Variants in OSBPL10 observed in about 807,000 individuals in gnomAD.
OSBPL10 encodes the protein oxysterol binding protein like 10, also known as oxysterol-binding protein-related protein 10.
In OSBPL10, 49 loss-of-function variants were observed where a neutral mutation model predicts 81.7. That is an observed-to-expected ratio of 0.60 (90% CI 0.48 to 0.76). OSBPL10 has a LOEUF of 0.76. Ranked by LOEUF, OSBPL10 falls within the 30% of genes least tolerant of loss-of-function variation. The probability of loss-of-function intolerance (pLI) is 0.00; values close to 1 mark genes in which losing one functional copy is unlikely to be tolerated. For synonymous variants in OSBPL10, 419 were observed against 383.6 expected (o/e 1.09, Z -1.08); for missense variants, 923 against 987.8 (o/e 0.93, Z 0.88).
chr3:31,966,268 A>G (rs1698399695), intron 1 of OSBPL10, among the ~76,000 whole-genome samples: 1 of 151,148 alleles, frequency 6.6e-6, no homozygotes, highest in Non-Finnish European at 1.5e-5. Flanking sequence ...AAGCTGAACT[A>G]AAATAGAAAT....
chr3:31,832,559 G>C (rs574818429), intron 3 of OSBPL10, among the ~76,000 whole-genome samples: 1 of 152,184 alleles, frequency 6.6e-6, no homozygotes, highest in Non-Finnish European at 1.5e-5. Flanking sequence ...CAAAATGTAT[G>C]AGACAGTTTT....
chr3:31,797,690 GT>G (rs1199794676), intron 4 of OSBPL10: 2 of 405,840 alleles, frequency 4.9e-6, no homozygotes, highest in South Asian at 1.7e-5. Context: ...TACACACACA[GT>G]TTTTTTATAT....
chr3:32,035,861 T>G (rs1224839781), intron 2 of OSBPL10, among the ~76,000 whole-genome samples: 1 of 152,186 alleles, frequency 6.6e-6, no homozygotes, highest in Non-Finnish European at 1.5e-5. Flanking sequence ...TAAGTCACAT[T>G]CACATGGTGC....
intron 8 of OSBPL10, among the ~76,000 whole-genome samples, chr3:31,682,312 T>C (rs1231689590): frequency 1.3e-5 from 2 of 152,170 alleles, no homozygotes; most frequent in East Asian, 3.9e-4. Context: ...ACCAGTGGCT[T>C]CAGGGCTCCC....
intron 4 of OSBPL10, among the ~76,000 whole-genome samples, chr3:31,803,931 C>A (rs140546443): frequency 6.6e-6 from 1 of 152,058 alleles, no homozygotes; most frequent in Non-Finnish European, 1.5e-5. Context: ...CACTTGGTTG[C>A]GGTGGTGTCC....
chr3:31,726,420 G>A (rs558243167), intron 6 of OSBPL10, among the ~76,000 whole-genome samples: 1 of 152,038 alleles, frequency 6.6e-6, no homozygotes, highest in African/African-American at 2.4e-5. Context: ...AGGTTCAAGC[G>A]ATTCCCCCTC....
At chr3:31,794,649 G>T (rs894844155) in intron 4 of OSBPL10, 5 of 319,504 alleles carry the variant, frequency 1.6e-5, no homozygotes, top group Admixed American at 7.1e-5. Flanking sequence ...GGTGTGGAGT[G>T]AAAGATGAAG....
chr3:31,759,945 A>G (rs1444800218), intron 4 of OSBPL10, among the ~76,000 whole-genome samples: 2 of 152,128 alleles, frequency 1.3e-5, no homozygotes, highest in Non-Finnish European at 2.9e-5. Context: ...TATTTTTAGT[A>G]GAGACAGGGT....
At chr3:31,692,325 G>A (rs191388681) in intron 7 of OSBPL10, among the ~76,000 whole-genome samples, 131 of 152,220 alleles carry the variant, frequency 8.6e-4, no homozygotes, top group African/African-American at 3.1e-3. Flanking sequence ...TTAAATGGCA[G>A]TGTTAAATTA....
At chr3:32,065,944 GAAGAAAGAAAGAAAGAAAGAAAGAAAGA>G (rs774799990) in intron 1 of OSBPL10, among the ~76,000 whole-genome samples, 2 of 35,860 alleles carry the variant, frequency 5.6e-5, no homozygotes, top group African/African-American at 1.3e-4. Context: ...AAAGAAGAAA[GAAGAAAGAAAGAAAGAAAGAAAGAAAGA>G]AAGAAAGAAA....
At chr3:31,812,746 GA>G (rs1203312611) in intron 4 of OSBPL10, among the ~76,000 whole-genome samples, 2 of 20,464 alleles carry the variant, frequency 9.8e-5, no homozygotes, top group African/African-American at 2.3e-4. Flanking sequence ...AAGAAAGAAA[GA>G]AAGAAAGAAA....
chr3:31,733,209 C>A, intron 6 of OSBPL10, 48 bp downstream of exon 6: 1 of 1,586,328 alleles, frequency 6.3e-7, no homozygotes, highest in Non-Finnish European at 8.5e-7. Flanking sequence ...TATTTCTGAA[C>A]AAGCGATAAC....
rs528839417 is a variant in OSBPL10 at position 32,023,409 on chromosome 3, A to G, written n.298+23082T>C. Among the ~76,000 whole-genome samples, 1,052 of 152,264 alleles carry G rather than the reference A, an allele frequency of 6.9e-3. 5 individuals are homozygous for G. The highest frequency in any genetic ancestry group is 0.041 in the Middle Eastern group (12 of 294). Reference sequence around the variant, plus strand: ...TCCGCCACAATTGTGAGGCCTCCCCAGCCATGTGAAACTGTGAGTCCATTA... The same window carrying G: ...TCCGCCACAATTGTGAGGCCTCCCCGGCCATGTGAAACTGTGAGTCCATTA... On this transcript the variant is annotated intron_variant and non_coding_transcript_variant, in intron 2 of 3. Transcript: ENST00000479173.
intron 1 of OSBPL10, among the ~76,000 whole-genome samples, chr3:32,069,791 C>T (rs111734211): frequency 0.022 from 3,304 of 152,300 alleles, 129 homozygotes; most frequent in African/African-American, 0.074. Context: ...CCCACAACCA[C>T]GGCTCCAGCA....
chr3:31,738,382 C>T (rs1697252422), intron 5 of OSBPL10, among the ~76,000 whole-genome samples: 2 of 141,458 alleles, frequency 1.4e-5, no homozygotes, highest in Admixed American at 1.3e-4. Flanking sequence ...ATTAGACCTG[C>T]CTTAAAGGAA....
intron 1 of OSBPL10, among the ~76,000 whole-genome samples, chr3:31,886,455 A>G (rs140241561): frequency 1.3e-5 from 2 of 152,320 alleles, no homozygotes; most frequent in East Asian, 3.9e-4. Context: ...ATGAGCACCA[A>G]GCTCCTAGCT....
chr3:31,746,418 C>G (rs1045352453), intron 5 of OSBPL10, among the ~76,000 whole-genome samples: 3 of 152,100 alleles, frequency 2.0e-5, no homozygotes, highest in Non-Finnish European at 4.4e-5. Flanking sequence ...AATGCTGAGG[C>G]CTGTAATCCC....
At chr3:31,854,767 CATA>C (rs1700866382) in intron 3 of OSBPL10, among the ~76,000 whole-genome samples, 1 of 152,188 alleles carries the variant, frequency 6.6e-6, no homozygotes, top group Non-Finnish European at 1.5e-5. Flanking sequence ...CATAAACACA[CATA>C]ATTATTATAC....
At chr3:31,810,592 T>C (rs578142732) in intron 4 of OSBPL10, among the ~76,000 whole-genome samples, 1 of 152,240 alleles carries the variant, frequency 6.6e-6, no homozygotes, top group African/African-American at 2.4e-5. Context: ...ATAAAACTCC[T>C]GGAAACCAAT....
Sources: gnomAD v4.1 joint callset for allele counts (sites outside exome capture counted in the v4.1 genomes callset) on GRCh38, gnomAD v4.1.1 for gene constraint, MANE v1.5 for transcripts, NCBI Gene and HGNC (gene_info 2026-07-23, HGNC 2026-07-21) for gene names.